Variants in CLIC5 observed in about 807,000 individuals in gnomAD.
The protein encoded by CLIC5 is chloride intracellular channel protein 5.
CLIC5 carries 20 observed loss-of-function variants against 24.7 expected under a neutral mutation model. The observed-to-expected ratio is 0.81, with a 90% confidence interval of 0.57 to 1.18. The LOEUF (loss-of-function observed/expected upper bound fraction) is 1.18. Among genes scored for constraint, CLIC5 ranks in the 50% most tolerant of loss-of-function variants. The pLI is 0.00. For missense variants in CLIC5, 341 were observed against 326.1 expected (o/e 1.05, Z -0.35); for synonymous variants, 159 against 135.6 (o/e 1.17, Z -1.20).
chr6:46,026,353 T>G (rs149099285), intron 1 of CLIC5, among the ~76,000 whole-genome samples: 1 of 152,296 alleles, frequency 6.6e-6, no homozygotes, highest in African/African-American at 2.4e-5. Context: ...CAATTTAGAA[T>G]CTCAAAGAAA....
chr6:46,082,816 C>G (rs759037387), upstream of CLIC5, among the ~76,000 whole-genome samples: 10 of 152,114 alleles, frequency 6.6e-5, no homozygotes, highest in Non-Finnish European at 1.3e-4. Flanking sequence ...CCCCCTTTTC[C>G]ATAATATTTA....
In CLIC5 at chr6:46,015,532, G is replaced by A; in HGVS notation, c.11C>T (p.Ser4Leu). Residue 4 changes from serine to leucine, a missense_variant, in exon 1 of 6, where the codon TCG becomes TTG. Transcript: ENST00000339561. ...CCTGTCGTCCCCGTTAGCTGTCGCC[G>A]AGTCTGTCATGCCGTTGGCGCCCGG... Reference protein sequence around the residue: MTDSATANGDDRDP... With the variant: MTDLATANGDDRDP... 6.3e-7 allele frequency: 1 copy of A among 1,579,118 alleles called. No individual in the cohort carries two copies. The highest frequency in any genetic ancestry group is 8.6e-7 in the Non-Finnish European group (1 of 1,164,178).
intron 5 of CLIC5, among the ~76,000 whole-genome samples, chr6:45,911,272 T>G (rs1024377224): frequency 2.0e-5 from 3 of 152,158 alleles, no homozygotes; most frequent in Admixed American, 1.3e-4. Context: ...AAATAACTGG[T>G]TTGGTGTGGG....
At chr6:46,082,190 T>C (rs756313841), upstream of CLIC5, among the ~76,000 whole-genome samples, 1 of 152,194 alleles carries the variant, frequency 6.6e-6, no homozygotes, top group East Asian at 1.9e-4. Flanking sequence ...CAAAGAATAG[T>C]ATACAGCATG....
At chr6:46,002,650 A>T (rs1032010480) in intron 1 of CLIC5, among the ~76,000 whole-genome samples, 1 of 152,196 alleles carries the variant, frequency 6.6e-6, no homozygotes, top group African/African-American at 2.4e-5. Context: ...CAAGTAGCAT[A>T]TGTATATTTT....
intron 1 of CLIC5, among the ~76,000 whole-genome samples, chr6:46,057,486 G>A (rs77241521): frequency 0.073 from 11,174 of 152,222 alleles, 458 homozygotes; most frequent in Middle Eastern, 0.16. Flanking sequence ...TATCAGCAGC[G>A]TGAAAATAGA....
chr6:46,004,726 T>C (rs943062132), intron 1 of CLIC5, among the ~76,000 whole-genome samples: 1 of 152,154 alleles, frequency 6.6e-6, no homozygotes, highest in African/African-American at 2.4e-5. Flanking sequence ...ACAGATCAGA[T>C]CCCTGTTATA....
the CLIC5 span, among the ~76,000 whole-genome samples, chr6:46,095,513 C>T: frequency 6.6e-6 from 1 of 152,174 alleles, no homozygotes. Context: ...CTGCCAGATA[C>T]CCTAAATCAT....
chr6:45,885,854 C>T (rs948607259), intron 6 of CLIC5, among the ~76,000 whole-genome samples: 4 of 152,082 alleles, frequency 2.6e-5, no homozygotes, highest in Admixed American at 6.5e-5. Context: ...CAGGAAGCTT[C>T]AAATGTGGAG....
intron 1 of CLIC5, among the ~76,000 whole-genome samples, chr6:46,040,623 C>T (rs991636467): frequency 5.9e-5 from 9 of 151,472 alleles, no homozygotes; most frequent in Non-Finnish European, 2.9e-5. Flanking sequence ...TGGTGGATGA[C>T]GATGTTGTTG....
At chr6:45,893,402 C>G (rs1258098986) in intron 6 of CLIC5, among the ~76,000 whole-genome samples, 1 of 152,138 alleles carries the variant, frequency 6.6e-6, no homozygotes, top group African/African-American at 2.4e-5. Flanking sequence ...ATTAATTAAT[C>G]TATGATTTAA....
At chr6:46,003,331 C>A (rs774982734) in intron 1 of CLIC5, among the ~76,000 whole-genome samples, 1 of 152,168 alleles carries the variant, frequency 6.6e-6, no homozygotes, top group Non-Finnish European at 1.5e-5. Flanking sequence ...TCTCACCTAC[C>A]CTTTTCCCTC....
At chr6:46,041,580 GGTT>G (rs2127460762) in intron 1 of CLIC5, among the ~76,000 whole-genome samples, 1 of 152,136 alleles carries the variant, frequency 6.6e-6, no homozygotes, top group Admixed American at 6.5e-5. Context: ...GGATTTTTTT[GGTT>G]GTTGTTTCAA....
intron 1 of CLIC5, among the ~76,000 whole-genome samples, chr6:46,006,103 TATATATATACACATGTATAAATAC>T (rs1473744003): frequency 0.015 from 481 of 32,742 alleles, 11 homozygotes; most frequent in Non-Finnish European, 0.018. Flanking sequence ...CATATATATA[TATATATATACACATGTATAAATAC>T]ATATATATAT....
At chr6:45,986,566 C>G (rs1046657431) in intron 1 of CLIC5, among the ~76,000 whole-genome samples, 21 of 152,192 alleles carry the variant, frequency 1.4e-4, no homozygotes, top group Non-Finnish European at 2.9e-4. Context: ...AGGACACAGC[C>G]AGGATAAGCC....
At position 45,954,942 on chromosome 6, in the gene CLIC5, G is replaced by A. The variant is rs191444295; in HGVS notation, c.173+193C>T. Among the ~76,000 whole-genome samples, 284 of 152,328 alleles carry A rather than the reference G, an allele frequency of 1.9e-3. 9 individuals are homozygous for A. In the South Asian group the frequency reaches 0.051, roughly 28 times the overall value. ...GTAACTTGCTAATCGGGTCAGTGAA[G>A]TGCTGGGCACCAAGTGAAATACTTG... On this transcript the variant is annotated intron_variant, in intron 2 of 5. Transcript: ENST00000339561.
chr6:46,108,311 T>C, the CLIC5 span, among the ~76,000 whole-genome samples: 2 of 152,046 alleles, frequency 1.3e-5, no homozygotes, highest in South Asian at 2.1e-4. Context: ...TTACATTTTA[T>C]ATAAACTGCA....
At chr6:46,064,078 A>G (rs1046545778) in intron 1 of CLIC5, among the ~76,000 whole-genome samples, 2 of 152,210 alleles carry the variant, frequency 1.3e-5, no homozygotes, top group African/African-American at 2.4e-5. Context: ...TATGGTTAAA[A>G]TGATCAAAAT....
At chr6:45,888,308 T>TG (rs1762322417) in intron 6 of CLIC5, among the ~76,000 whole-genome samples, 1 of 152,218 alleles carries the variant, frequency 6.6e-6, no homozygotes, top group African/African-American at 2.4e-5. Context: ...ATGTGGGATG[T>TG]GGGGCATTTT....
Sources: gnomAD v4.1 joint callset for allele counts (sites outside exome capture counted in the v4.1 genomes callset) on GRCh38, gnomAD v4.1.1 for gene constraint, MANE v1.5 for transcripts, NCBI Gene and HGNC (gene_info 2026-07-23, HGNC 2026-07-21) for gene names.